The following TENM2 variants were observed in gnomAD, a reference collection of about 807,000 sequenced individuals.
TENM2 encodes the protein teneurin transmembrane protein 2.
In TENM2, 52 loss-of-function variants were observed where a neutral mutation model predicts 245.2. That is an observed-to-expected ratio of 0.21 (90% confidence interval 0.17 to 0.27). The LOEUF (loss-of-function observed/expected upper bound fraction) is 0.27. TENM2 is among the 10% of genes least tolerant of loss of function. The probability of loss-of-function intolerance (pLI) is 1.00; values close to 1 mark genes in which losing one functional copy is unlikely to be tolerated. For missense variants in TENM2, 3,046 were observed against 3,666.8 expected, an observed-to-expected ratio of 0.83 and a Z score of 4.37; for synonymous variants, 1,363 against 1,438.9, an observed-to-expected ratio of 0.95 and a Z score of 1.19.
At chr5:167,138,001 A>C in the TENM2 span, among the ~76,000 whole-genome samples, 1 of 152,188 alleles carries the variant, frequency 6.6e-6, no homozygotes, top group East Asian at 1.9e-4. Context: ...TTAATGGCTT[A>C]AAATATTTAT....
intron 2 of TENM2, among the ~76,000 whole-genome samples, chr5:167,630,486 C>T (rs977007515): frequency 6.6e-6 from 1 of 152,092 alleles, no homozygotes; most frequent in Non-Finnish European, 1.5e-5. Flanking sequence ...GCTTATTTTT[C>T]GAATTTTTCA....
the TENM2 span, among the ~76,000 whole-genome samples, chr5:167,127,550 GA>G: frequency 7.0e-6 from 1 of 143,744 alleles, no homozygotes; most frequent in African/African-American, 2.6e-5. Context: ...ACCCTACAAG[GA>G]AACATTAAAT....
At chr5:168,169,569 A>T (rs559490869) in intron 13 of TENM2, among the ~76,000 whole-genome samples, 1 of 152,020 alleles carries the variant, frequency 6.6e-6, no homozygotes, top group African/African-American at 2.4e-5. Flanking sequence ...TAGCCATCCA[A>T]ATTGGTTTGA....
At chr5:167,999,392 T>A (rs546957692) in intron 5 of TENM2, among the ~76,000 whole-genome samples, 1 of 152,364 alleles carries the variant, frequency 6.6e-6, no homozygotes, top group East Asian at 1.9e-4. Context: ...TCTTATCTAA[T>A]AGATATGCTA....
chr5:167,868,598 G>A (rs182394471), intron 2 of TENM2, among the ~76,000 whole-genome samples: 9 of 151,862 alleles, frequency 5.9e-5, no homozygotes, highest in Admixed American at 2.0e-4. Context: ...TTAGCCTGGC[G>A]TGATGGTGCG....
chr5:167,158,791 C>A, the TENM2 span, among the ~76,000 whole-genome samples: 8 of 151,914 alleles, frequency 5.3e-5, no homozygotes, highest in African/African-American at 1.9e-4. Flanking sequence ...TCCACTGGGA[C>A]TAGGGTTTCA....
chr5:167,734,219 G>A (rs1760640241), intron 2 of TENM2, among the ~76,000 whole-genome samples: 1 of 152,088 alleles, frequency 6.6e-6, no homozygotes, highest in African/African-American at 2.4e-5. Context: ...TTGGGGTTCT[G>A]ATCATAGTTT....
At chr5:168,054,906 A>C (rs3860782) in intron 6 of TENM2, among the ~76,000 whole-genome samples, 55,618 of 152,040 alleles carry the variant, frequency 0.37, 10,993 homozygotes, top group African/African-American at 0.5. Flanking sequence ...TAGCCAGAAC[A>C]ATTGTATCTT....
rs571073361 is a variant in TENM2, at chr5:168,235,987, C to T, written c.5520+7857C>T. On this transcript the variant is annotated intron_variant, in intron 25 of 28. Transcript: ENST00000518659. ...TGGGGGAAAAGCCTCTATGCTAAAG[C>T]CCTAGCATGTGCAAAAGGCCCTGAG... Among the ~76,000 whole-genome samples the T allele has an allele frequency of 1.1e-4, 17 of 152,236 alleles. 1 individual carries two copies. In the South Asian group the frequency reaches 3.1e-3, roughly 28 times the overall value.
intron 12 of TENM2, among the ~76,000 whole-genome samples, chr5:168,133,031 T>C (rs1405770459): frequency 2.0e-5 from 3 of 152,240 alleles, no homozygotes; most frequent in Non-Finnish European, 4.4e-5. Flanking sequence ...CTCTACCATA[T>C]ACATTTTGTA....
chr5:167,895,201 T>TCCCTCCTCCTCTTCCTCTCC (rs1375731129), intron 3 of TENM2, among the ~76,000 whole-genome samples: 8 of 151,980 alleles, frequency 5.3e-5, no homozygotes, highest in Non-Finnish European at 1.2e-4. Flanking sequence ...CCTCCTCCTC[T>TCCCTCCTCCTCTTCCTCTCC]CCCTCCTCCT....
chr5:167,153,671 A>ATATATATATACGTATATATACG, the TENM2 span, among the ~76,000 whole-genome samples: 4 of 152,008 alleles, frequency 2.6e-5, no homozygotes, highest in African/African-American at 9.6e-5. Flanking sequence ...CTTTAAATAT[A>ATATATATATACGTATATATACG]TATATATATA....
At chr5:168,101,525 G>A (rs775483039) in intron 9 of TENM2, among the ~76,000 whole-genome samples, 4 of 152,190 alleles carry the variant, frequency 2.6e-5, no homozygotes, top group Non-Finnish European at 4.4e-5. Context: ...AAGGACTCTC[G>A]GTGTGTGTTT....
intron 12 of TENM2, among the ~76,000 whole-genome samples, chr5:168,153,572 G>A (rs562352682): frequency 5.8e-4 from 88 of 152,334 alleles, no homozygotes; most frequent in Non-Finnish European, 1.1e-3. Context: ...AAGAATCCAG[G>A]CTACAGAGAA....
chr5:167,606,839 G>T lies in TENM2; in HGVS notation c.502+231366G>T, dbSNP rs1051579300. On this transcript the variant is annotated intron_variant, in intron 2 of 28. Transcript: ENST00000518659. ...TACATGAGATTACAGATATCAAAAG[G>T]GTTGCTCATCTCTAAAGTATTGTAA... Among the ~76,000 whole-genome samples the T allele has an allele frequency of 5.3e-5, 8 of 152,010 alleles. No homozygotes were observed. The East Asian group carries it at 1.4e-3, about 26-fold the overall frequency.
intron 2 of TENM2, among the ~76,000 whole-genome samples, chr5:167,411,821 T>A (rs1762926986): frequency 6.6e-6 from 1 of 152,060 alleles, no homozygotes; most frequent in African/African-American, 2.4e-5. Context: ...CCTGAAACAA[T>A]CACGAGTTAA....
chr5:167,207,351 T>C, the TENM2 span, among the ~76,000 whole-genome samples: 1 of 152,224 alleles, frequency 6.6e-6, no homozygotes, highest in African/African-American at 2.4e-5. Flanking sequence ...GTCACTGAGT[T>C]CCGGCCAATT....
Position 167,440,797 on chromosome 5 carries a change from A to C in TENM2, c.502+65324A>C, listed in dbSNP as rs576795248. 1.5e-3 allele frequency among the ~76,000 whole-genome samples: 220 copies of C among 151,464 alleles called. 3 individuals are homozygous for C. Among genetic ancestry groups the C allele is most frequent in the Non-Finnish European group, 2.2e-3 (149 of 67,882 alleles). On this transcript the variant is annotated intron_variant, in intron 2 of 28. Coordinates refer to ENST00000518659, the Ensembl canonical transcript of TENM2. The stretch of plus-strand genomic sequence containing the variant: ...TTTCTCCTTTTTCCTTCCTTCTTCT[A>C]ACTTTTTGTGCATCTACAGTGTGCT...
chr5:167,340,183 A>G (rs1489924736), intron 1 of TENM2, among the ~76,000 whole-genome samples: 2 of 152,106 alleles, frequency 1.3e-5, no homozygotes, highest in African/African-American at 2.4e-5. Context: ...TCCATCTGAG[A>G]CCTCATCAGA....
Sources: allele counts gnomAD v4.1 joint callset (sites outside exome capture counted in the v4.1 genomes callset), GRCh38; gene constraint gnomAD v4.1.1; transcripts MANE v1.5; gene names NCBI Gene and HGNC (gene_info 2026-07-23, HGNC 2026-07-21).